The following ACSM3 variants were observed in gnomAD, a reference collection of about 807,000 sequenced individuals.
The protein encoded by ACSM3 is acyl-CoA synthetase medium chain family member 3, also known as acyl-coenzyme A synthetase ACSM3, mitochondrial.
A neutral mutation model predicts 74.1 loss-of-function variants in ACSM3; 61 were observed. That is an observed-to-expected ratio of 0.82 (90% CI 0.67 to 1.02). The LOEUF (loss-of-function observed/expected upper bound fraction) is 1.02, where lower values mean the gene tolerates loss of function less well. Among genes scored for constraint, ACSM3 ranks in the 50% least tolerant of loss-of-function variants. The pLI, the probability that ACSM3 is intolerant of heterozygous loss-of-function variation, is 0.00. For synonymous variants in ACSM3, 213 were observed against 241.5 expected, an observed-to-expected ratio of 0.88 and a Z score of 1.09; for missense variants, 660 against 697.0, an observed-to-expected ratio of 0.95 and a Z score of 0.60.
At chr16:20,727,277 A>G (rs1235246300) in intron 1 of ACSM3, 1 of 520,314 alleles carries the variant, frequency 1.9e-6, no homozygotes. Context: ...TGAATGTCCT[A>G]ATTATCTTGC....
chr16:20,796,589 C>T (rs1434299977), intron 13 of ACSM3, 100 bp downstream of exon 13: 1 of 1,566,130 alleles, frequency 6.4e-7, no homozygotes, highest in East Asian at 2.3e-5. Flanking sequence ...ACATGCTGCA[C>T]CACATGTCCC....
At chr16:20,675,200 C>G (rs1365247121) in intron 1 of ACSM3, among the ~76,000 whole-genome samples, 1 of 152,028 alleles carries the variant, frequency 6.6e-6, no homozygotes, top group Non-Finnish European at 1.5e-5. Context: ...TCTAACTAGG[C>G]TCACCCGGGA....
chr16:20,783,641 C>T lies in ACSM3; in HGVS notation c.1020-1343C>T, dbSNP rs1178076606. On this transcript the variant is annotated intron_variant, in intron 7 of 13. Coordinates refer to ENST00000289416, the MANE Select transcript of ACSM3 (RefSeq NM_005622.4). ...TTTAATTATCGAATAGGAAATAATT[C>T]ACCTGCCATAAAATTCAAAAGGTAT... 3 of 152,140 alleles carry T rather than the reference C, an allele frequency of 2.0e-5. No homozygotes were observed. In the South Asian group the frequency reaches 6.2e-4, roughly 32 times the overall value. 9.4% of individuals were successfully genotyped at this position (152,140 alleles called of 1,614,324 possible).
chr16:20,708,352 AT>A (rs917916786), intron 1 of ACSM3, among the ~76,000 whole-genome samples: 3 of 152,156 alleles, frequency 2.0e-5, no homozygotes, highest in African/African-American at 4.8e-5. Context: ...GTGCACAATT[AT>A]TTTTTAATGG....
intron 1 of ACSM3, chr16:20,738,892 C>A: frequency 6.2e-7 from 1 of 1,613,572 alleles, no homozygotes; most frequent in Middle Eastern, 1.7e-4. Context: ...AAGTATTTGT[C>A]ACACCTATCC....
rs757779766 is a variant in ACSM3 at position 20,729,282 on chromosome 16, G to T, written c.-189-20628G>T. 3.0e-6 allele frequency: 4 copies of T among 1,352,722 alleles called. No homozygotes were observed. The South Asian group carries it at 4.7e-5, about 16-fold the overall frequency. The allele number at this position is 1,352,722 out of a possible 1,614,324, so 83.8% of individuals were successfully genotyped here. A position where few individuals can be genotyped will look rare whatever the true frequency, so the allele number is the denominator to read the frequency against. ...GTAAGGGGAGATTTTTATGTCACTG[G>T]AGACAGAGGAATGATGGACAGTGAT... On this transcript the variant is annotated intron_variant, in intron 1 of 3. Transcript: ENST00000561584.
In ACSM3 at chr16:20,790,640, C is replaced by T. The variant is rs761005309; in HGVS notation, c.1278C>T (p.Gly426=). ...CTCCTGGACAAGAAGGAGATATTGG[C>T]ATTCAAGTTCTACCCAACCGACCAT... ...VLPPGQEGDI[G]IQVLPNRPFG... The change falls in exon 10 of 14, where the codon GGC becomes GGT. Residue 426 remains glycine (G), a synonymous_variant. Coordinates refer to ENST00000289416, the MANE Select transcript of ACSM3 (RefSeq NM_005622.4). The surrounding 1 kb of genome is among the most constrained non-coding windows in gnomAD (Gnocchi z 4.0). The T allele has an allele frequency of 6.2e-7, 1 of 1,614,120 alleles. No homozygotes were observed. Among genetic ancestry groups the T allele is most frequent in the Non-Finnish European group, 8.5e-7 (1 of 1,179,996 alleles).
chr16:20,787,200 A>G (rs2080493554), intron 9 of ACSM3, among the ~76,000 whole-genome samples: 1 of 152,246 alleles, frequency 6.6e-6, no homozygotes, highest in South Asian at 2.1e-4. Flanking sequence ...ATAATAAGTC[A>G]TCATAAGTTG....
Position 20,790,804 on chromosome 16 carries a change from G to A in ACSM3, c.1326+116G>A, listed in dbSNP as rs1401201876. The A allele has an allele frequency of 6.2e-7, 1 of 1,613,312 alleles. No individual in the cohort carries two copies. The highest frequency in any genetic ancestry group is 2.2e-5 in the East Asian group (1 of 44,888). ...GTACTTGACCCTTTCTTGAGAGATT[G>A]GTTGTCCTGAATAGTAATCCAAAAG... On this transcript the variant is annotated intron_variant, in intron 10 of 13. Coordinates refer to ENST00000289416, the MANE Select transcript of ACSM3 (RefSeq NM_005622.4). This position sits in a 1 kb window ranked among gnomAD's most constrained non-coding sequence, Gnocchi z 4.0.
chr16:20,776,807 C>T (rs1036171306), intron 3 of ACSM3, among the ~76,000 whole-genome samples: 12 of 152,112 alleles, frequency 7.9e-5, no homozygotes, highest in Admixed American at 2.0e-4. Context: ...TAATATATAA[C>T]CAGCAGGAAT....
chr16:20,698,956 C>T (rs1224816824), intron 1 of ACSM3: 1 of 152,172 alleles, frequency 6.6e-6, no homozygotes, highest in Non-Finnish European at 1.5e-5. Context: ...GATGTTGGCT[C>T]TTTTTATTCA....
intron 1 of ACSM3, among the ~76,000 whole-genome samples, chr16:20,695,374 GAA>G (rs2079683727): frequency 1.3e-5 from 2 of 152,186 alleles, no homozygotes; most frequent in Non-Finnish European, 2.9e-5. Flanking sequence ...AAGTATTTTA[GAA>G]ATAAGAGCTG....
Position 20,781,100 on chromosome 16 carries a change from AC to A in ACSM3, c.913del (p.Arg305ValfsTer34). 6.2e-7 allele frequency: 1 copy of A among 1,614,032 alleles called. No individual in the cohort carries two copies. The highest frequency in any genetic ancestry group is 1.3e-5 in the African/African-American group (1 of 75,000). On this transcript the variant is annotated frameshift_variant, in exon 6 of 14. Transcript: ENST00000289416. LOFTEE classifies it high-confidence loss of function. ...GAGCATGTGTATTCACACACCATTT[AC>A]CCCGTTTTGAGCCGACTTCTATCTT... ...QGACVFTHHL[P>X]RFEPTSILQT...
chr16:20,794,947 C>T (rs991275156), intron 12 of ACSM3, among the ~76,000 whole-genome samples: 3 of 152,190 alleles, frequency 2.0e-5, no homozygotes, highest in Non-Finnish European at 4.4e-5. Context: ...TTGTAGAAAT[C>T]GTCAATATGT....
chr16:20,796,221 G>A, intron 12 of ACSM3, 149 bp from the exon 13 acceptor site: 1 of 1,345,118 alleles, frequency 7.4e-7, no homozygotes, highest in South Asian at 1.6e-5. Flanking sequence ...GAAGTGGCTG[G>A]CTTAAGAGCA....
chr16:20,750,201 C>A (rs2079979243), intron 2 of ACSM3, among the ~76,000 whole-genome samples: 1 of 152,194 alleles, frequency 6.6e-6, no homozygotes, highest in Non-Finnish European at 1.5e-5. Context: ...CACTTACTCC[C>A]TTGAGACTAC....
At chr16:20,685,887 G>A (rs945263454) in intron 1 of ACSM3, among the ~76,000 whole-genome samples, 2 of 150,144 alleles carry the variant, frequency 1.3e-5, no homozygotes, top group South Asian at 2.1e-4. Flanking sequence ...GGGGTGGAGC[G>A]GGACTTCTGG....
intron 1 of ACSM3, chr16:20,737,792 G>A (rs1433913900): frequency 1.9e-6 from 3 of 1,613,656 alleles, no homozygotes; most frequent in Non-Finnish European, 2.5e-6. Context: ...CCTTTGTTTG[G>A]AGCTTTAAAC....
chr16:20,791,893 A>G, intron 10 of ACSM3, 109 bp from the exon 11 acceptor site: 2 of 1,319,674 alleles, frequency 1.5e-6, no homozygotes, highest in Non-Finnish European at 2.1e-6. Flanking sequence ...GTACTACTGC[A>G]CTCCAGCCTG....
Sources: gnomAD v4.1 joint callset for allele counts (sites outside exome capture counted in the v4.1 genomes callset) on GRCh38, gnomAD v4.1.1 for gene constraint, Gnocchi (gnomAD v3.1) non-coding constraint, MANE v1.5 for transcripts, NCBI Gene and HGNC (gene_info 2026-07-23, HGNC 2026-07-21) for gene names.